Variants in ANKFN1 observed in about 807,000 individuals in gnomAD.
The protein encoded by ANKFN1 is ankyrin repeat and fibronectin type-III domain-containing protein 1.
ANKFN1 carries 74 observed loss-of-function variants against 108.7 expected under a neutral mutation model. The ratio of observed to expected loss-of-function variants is 0.68; its 90% CI spans 0.56 to 0.83. ANKFN1 has a LOEUF of 0.83. Among genes scored for constraint, ANKFN1 ranks in the 40% least tolerant of loss-of-function variants. The pLI is 0.00. For missense variants in ANKFN1, 1,505 were observed against 1,382.3 expected (o/e 1.09, Z -1.41); for synonymous variants, 547 against 516.2 (o/e 1.06, Z -0.81).
intron 19 of ANKFN1, among the ~76,000 whole-genome samples, chr17:56,494,090 A>G (rs956519735): frequency 5.3e-5 from 8 of 152,212 alleles, no homozygotes; most frequent in Non-Finnish European, 1.0e-4. Flanking sequence ...ATTCTTTGAC[A>G]TATGAATATG....
chr17:56,175,354 A>T (rs1302264795), intron 1 of ANKFN1, among the ~76,000 whole-genome samples: 3 of 152,242 alleles, frequency 2.0e-5, no homozygotes, highest in Non-Finnish European at 4.4e-5. Flanking sequence ...AAAAATAACA[A>T]CTAACAAAAC....
chr17:56,479,289 C>T (rs1051852129), intron 16 of ANKFN1, among the ~76,000 whole-genome samples: 1 of 152,170 alleles, frequency 6.6e-6, no homozygotes, highest in Non-Finnish European at 1.5e-5. Flanking sequence ...TTACGATATT[C>T]CTACCGGTAA....
At chr17:56,060,773 G>A (rs985560717) in intron 4 of ANKFN1, among the ~76,000 whole-genome samples, 20 of 152,196 alleles carry the variant, frequency 1.3e-4, no homozygotes, top group South Asian at 2.1e-4. Context: ...GCATCACAGG[G>A]ATGAAGCCAA....
chr17:56,437,627 T>C (rs901670472), intron 8 of ANKFN1, among the ~76,000 whole-genome samples: 1 of 152,222 alleles, frequency 6.6e-6, no homozygotes, highest in African/African-American at 2.4e-5. Context: ...TTTTCTTCTA[T>C]AGCTAAATTA....
At position 56,185,337 on chromosome 17, in the gene ANKFN1, T is replaced by C. The variant is rs142882407; in HGVS notation, c.-70-27261T>C. 1.9e-3 allele frequency among the ~76,000 whole-genome samples: 285 copies of C among 152,230 alleles called. 3 individuals are homozygous for C. The highest frequency in any genetic ancestry group is 6.1e-3 in the African/African-American group (254 of 41,538). ...AATTTACTGGCAATTGGAAAAGAAA[T>C]GGAGAAATAGAAAAGGAAAAAAGTT... On this transcript the variant is annotated intron_variant, in intron 1 of 20. Transcript: ENST00000682825.
Position 56,163,165 on chromosome 17 carries a change from G to T in ANKFN1, c.-71+9635G>T, listed in dbSNP as rs1490717325. Among the ~76,000 whole-genome samples, 6 of 152,108 alleles carry T rather than the reference G, an allele frequency of 3.9e-5. No individual in the cohort carries two copies. In the East Asian group the frequency reaches 1.2e-3, roughly 29 times the overall value. Reference sequence around the variant, plus strand: ...TAAACAGGTTTTTCTCCCCCAGCCCGTTCTTTCTCTTTTAAACCCATACTT... The same window carrying T: ...TAAACAGGTTTTTCTCCCCCAGCCCTTTCTTTCTCTTTTAAACCCATACTT... On this transcript the variant is annotated intron_variant, in intron 1 of 20. Transcript: ENST00000682825.
At chr17:56,315,217 G>C (rs919233564) in intron 3 of ANKFN1, among the ~76,000 whole-genome samples, 2 of 152,256 alleles carry the variant, frequency 1.3e-5, no homozygotes, top group Admixed American at 6.5e-5. Flanking sequence ...TGGAGGAGAT[G>C]GTGAATATGT....
rs537104153 is a variant in ANKFN1 at position 56,046,719 on chromosome 17, G to A, written c.288+394G>A. Reference sequence around the variant, plus strand: ...CTATCAAGCGCCTTAATGTGGAGGGGCATTTACATCCCTCTAGCTGCAAAA... The same window carrying A: ...CTATCAAGCGCCTTAATGTGGAGGGACATTTACATCCCTCTAGCTGCAAAA... On this transcript the variant is annotated intron_variant, in intron 4 of 12. Coordinates refer to the ANKFN1 transcript ENST00000635860. 2.0e-5 allele frequency among the ~76,000 whole-genome samples: 3 copies of A among 152,194 alleles called. No homozygotes were observed. The South Asian group carries it at 6.2e-4, about 32-fold the overall frequency.
At chr17:56,141,923 C>CTTTTTTTTT (rs34394014) in intron 4 of ANKFN1, among the ~76,000 whole-genome samples, 6 of 95,670 alleles carry the variant, frequency 6.3e-5, no homozygotes, top group African/African-American at 1.4e-4. Flanking sequence ...CGATGGTGTA[C>CTTTTTTTTT]TTTTTTTTTT....
At chr17:56,121,093 C>T (rs1233465892) in intron 4 of ANKFN1, among the ~76,000 whole-genome samples, 1 of 152,082 alleles carries the variant, frequency 6.6e-6, no homozygotes. Flanking sequence ...ATAAAAATCC[C>T]TGTGACTCCA....
intron 2 of ANKFN1, among the ~76,000 whole-genome samples, chr17:56,215,403 A>G (rs980722992): frequency 3.9e-5 from 6 of 152,216 alleles, no homozygotes; most frequent in Non-Finnish European, 7.3e-5. Context: ...AAAGCCCATT[A>G]CCAATAAGGT....
At chr17:56,345,871 G>A (rs1408512395) in intron 4 of ANKFN1, among the ~76,000 whole-genome samples, 6 of 152,094 alleles carry the variant, frequency 3.9e-5, no homozygotes, top group Non-Finnish European at 7.4e-5. Context: ...TTCTTTTGCT[G>A]TGCGGAAGCT....
At chr17:56,336,031 A>G (rs537016658) in intron 4 of ANKFN1, among the ~76,000 whole-genome samples, 1 of 152,110 alleles carries the variant, frequency 6.6e-6, no homozygotes, top group African/African-American at 2.4e-5. Flanking sequence ...TGATTTTTGT[A>G]TGTTGAACCA....
chr17:56,504,322 G>A (rs2145468969), intron 20 of ANKFN1, among the ~76,000 whole-genome samples: 1 of 152,166 alleles, frequency 6.6e-6, no homozygotes, highest in Non-Finnish European at 1.5e-5. Context: ...ATCAAGAGAA[G>A]CTTTAAGTCA....
intron 10 of ANKFN1, among the ~76,000 whole-genome samples, chr17:56,446,718 A>T (rs560601977): frequency 6.6e-6 from 1 of 152,092 alleles, no homozygotes; most frequent in East Asian, 1.9e-4. Context: ...AGTCTGGCCA[A>T]CATGGTGAAA....
chr17:56,351,448 T>TAA lies in ANKFN1; in HGVS notation c.390+489_390+490dup, dbSNP rs11481772. 4.6e-4 allele frequency among the ~76,000 whole-genome samples: 69 copies of TAA among 150,262 alleles called. 1 individual carries two copies. The highest frequency in any genetic ancestry group is 1.9e-3 in the South Asian group (9 of 4,752). On this transcript the variant is annotated intron_variant, in intron 5 of 20. Coordinates refer to ENST00000682825, the MANE Select transcript of ANKFN1 (RefSeq NM_001370326.1). ...AAGGAAGGAAAGTAAGGGAAAAATA[T>TAA]AAAAAAAAACAACTAGGAAAAGAAA...
Position 56,088,479 on chromosome 17 carries a change from G to C in ANKFN1, c.288+42154G>C, listed in dbSNP as rs538405207. Among the ~76,000 whole-genome samples, 6 of 151,190 alleles carry C rather than the reference G, an allele frequency of 4.0e-5. No individual in the cohort carries two copies. In the South Asian group the frequency reaches 8.4e-4, roughly 21 times the overall value. The stretch of plus-strand genomic sequence containing the variant: ...AGTTGTCAGGCATTGGAAGCCCCCT[G>C]AGGCATCCGGTCACTTCTTCTAGCT... On this transcript the variant is annotated intron_variant, in intron 4 of 12. Transcript: ENST00000635860.
chr17:56,080,756 G>A (rs1567782899), intron 4 of ANKFN1, among the ~76,000 whole-genome samples: 2 of 152,148 alleles, frequency 1.3e-5, no homozygotes, highest in South Asian at 2.1e-4. Flanking sequence ...CCTTATTTTT[G>A]TATGTATACA....
In ANKFN1 at chr17:56,510,770, A is replaced by G; in HGVS notation, c.2942A>G (p.Lys981Arg). 1 of 1,536,118 alleles carries G rather than the reference A, an allele frequency of 6.5e-7. No individual in the cohort carries two copies. The highest frequency in any genetic ancestry group is 8.7e-7 in the Non-Finnish European group (1 of 1,146,914). The change falls in exon 21 of 21, where the codon AAG (lysine) becomes AGG (arginine). Residue 981 changes from lysine to arginine, a missense_variant. Lys to Arg is a conservative substitution (Grantham distance 26). Coordinates refer to ENST00000682825, the MANE Select transcript of ANKFN1 (RefSeq NM_001370326.1). ...CTGACCCTCACGGGGTTCACACCCA[A>G]GAACCACGCCAAGACTGTGTCCGGT... ...HSLTLTGFTP[K>R]NHAKTVSGGR...
Sources: allele counts gnomAD v4.1 joint callset (sites outside exome capture counted in the v4.1 genomes callset), GRCh38; gene constraint gnomAD v4.1.1; transcripts MANE v1.5; gene names NCBI Gene and HGNC (gene_info 2026-07-23, HGNC 2026-07-21).